CHD9: variants seen among roughly 807,000 people sequenced by gnomAD.
CHD9 encodes the protein chromodomain helicase DNA binding protein 9.
In CHD9, 77 loss-of-function variants were observed where a neutral mutation model predicts 316.1. The ratio of observed to expected loss-of-function variants is 0.24; its 90% CI spans 0.20 to 0.29. The LOEUF is 0.29. CHD9 is among the 10% of genes least tolerant of loss of function. The pLI, the probability that CHD9 is intolerant of heterozygous loss-of-function variation, is 1.00. For missense variants in CHD9, 2,763 were observed against 3,438.1 expected, an observed-to-expected ratio of 0.80 and a Z score of 4.91; for synonymous variants, 1,129 against 1,158.3, an observed-to-expected ratio of 0.97 and a Z score of 0.51.
At chr16:53,266,228 G>A (rs1037259103) in intron 20 of CHD9, among the ~76,000 whole-genome samples, 8 of 151,924 alleles carry the variant, frequency 5.3e-5, no homozygotes, top group African/African-American at 1.7e-4. Flanking sequence ...AATTCCAAAA[G>A]GAAAACTAGT....
At chr16:53,155,078 T>C (rs943831845) in intron 1 of CHD9, among the ~76,000 whole-genome samples, 1 of 152,174 alleles carries the variant, frequency 6.6e-6, no homozygotes, top group Non-Finnish European at 1.5e-5. Context: ...TTGTATTAGA[T>C]AAAATATTTT....
At chr16:53,209,354 T>G in intron 2 of CHD9, 128 bp from the exon 3 acceptor site, 1 of 651,410 alleles carries the variant, frequency 1.5e-6, no homozygotes, top group Non-Finnish European at 2.6e-6. Flanking sequence ...TAAATTTGTT[T>G]GTAGCACTCA....
intron 1 of CHD9, among the ~76,000 whole-genome samples, chr16:53,136,250 A>T: frequency 6.6e-6 from 1 of 152,162 alleles, no homozygotes; most frequent in East Asian, 1.9e-4. Flanking sequence ...AGTAATTTTA[A>T]ACATTGTTAT....
chr16:53,120,508 G>A (rs765381535), intron 1 of CHD9, among the ~76,000 whole-genome samples: 3 of 152,176 alleles, frequency 2.0e-5, no homozygotes, highest in Non-Finnish European at 4.4e-5. Context: ...AGCTACTAAG[G>A]AGGCTGAAGC....
intron 3 of CHD9, among the ~76,000 whole-genome samples, chr16:53,216,790 A>G (rs1555511790): frequency 1.3e-5 from 2 of 152,206 alleles, no homozygotes; most frequent in Non-Finnish European, 2.9e-5. Flanking sequence ...CTTAGGGAAT[A>G]TTTTAAAAGT....
intron 24 of CHD9, among the ~76,000 whole-genome samples, chr16:53,274,729 G>A (rs1427552804): frequency 6.6e-6 from 1 of 152,128 alleles, no homozygotes; most frequent in African/African-American, 2.4e-5. Context: ...ACAAAGTGCT[G>A]GGATTACAGG....
At chr16:53,231,388 A>G (rs1156888162) in intron 8 of CHD9, 31 bp from the exon 9 acceptor site, 32 of 1,239,516 alleles carry the variant, frequency 2.6e-5, no homozygotes, top group Non-Finnish European at 3.8e-5. Context: ...GTTCTTTGTC[A>G]GATGTCAATT....
At chr16:53,267,895 A>G in intron 21 of CHD9, 32 bp from the exon 22 acceptor site, 2 of 1,569,818 alleles carry the variant, frequency 1.3e-6, no homozygotes, top group Non-Finnish European at 1.7e-6. Context: ...AACTTGACTC[A>G]ATATCAATGT....
intron 22 of CHD9, among the ~76,000 whole-genome samples, chr16:53,273,045 C>T (rs1392307695): frequency 6.6e-6 from 1 of 151,760 alleles, no homozygotes; most frequent in African/African-American, 2.4e-5. Context: ...GCCGACATCA[C>T]GCCACTGCAC....
intron 2 of CHD9, among the ~76,000 whole-genome samples, chr16:53,161,084 C>CA (rs557104161): frequency 2.7e-5 from 4 of 150,806 alleles, no homozygotes; most frequent in South Asian, 2.1e-4. Context: ...GACCCTGTCT[C>CA]AAAAAAAGGA....
intron 27 of CHD9, among the ~76,000 whole-genome samples, chr16:53,290,072 A>G (rs1356533246): frequency 6.6e-6 from 1 of 152,150 alleles, no homozygotes; most frequent in Non-Finnish European, 1.5e-5. Context: ...TCAGGAGTTC[A>G]AGACCAGCCT....
intron 1 of CHD9, among the ~76,000 whole-genome samples, chr16:53,138,504 A>G (rs1180685408): frequency 6.6e-6 from 1 of 152,208 alleles, no homozygotes; most frequent in Non-Finnish European, 1.5e-5. Context: ...AATTCAAGGT[A>G]TGGTTTCATA....
intron 22 of CHD9, among the ~76,000 whole-genome samples, chr16:53,269,357 G>C (rs112424707): frequency 6.6e-6 from 1 of 152,160 alleles, no homozygotes; most frequent in Non-Finnish European, 1.5e-5. Context: ...GCTGGTGTGT[G>C]TCTTGTGCAA....
intron 24 of CHD9, among the ~76,000 whole-genome samples, chr16:53,282,016 C>A (rs1267639562): frequency 1.3e-5 from 2 of 152,128 alleles, no homozygotes; most frequent in Admixed American, 6.6e-5. Flanking sequence ...TCTGGGACAT[C>A]TTAAACACTC....
At chr16:53,197,208 A>G (rs909908465) in intron 2 of CHD9, among the ~76,000 whole-genome samples, 7 of 152,236 alleles carry the variant, frequency 4.6e-5, no homozygotes, top group African/African-American at 1.7e-4. Flanking sequence ...AAGTACCACT[A>G]CCACCACTAT....
rs746032556 is a variant in CHD9, at chr16:53,156,938, A to C, written c.849A>C (p.Pro283=). The C allele has an allele frequency of 1.2e-6, 2 of 1,613,640 alleles. No homozygotes were observed. The highest frequency in any genetic ancestry group is 2.2e-5 in the East Asian group (1 of 44,870). The change falls in exon 2 of 39, where the codon CCA becomes CCC. Residue 283 remains proline, a synonymous_variant. Transcript: ENST00000447540. ...HYSFSSNHIS[P]NSLLQSSAVL... is the part of the protein sequence containing the mutation. ...CCTTTTCCAGTAATCATATATCACC[A>C]AACAGTCTACTTCAGTCCTCTGCAG... is the stretch of plus-strand genomic sequence containing the variant.
intron 4 of CHD9, among the ~76,000 whole-genome samples, chr16:53,224,725 T>C (rs529981919): frequency 6.6e-6 from 1 of 152,310 alleles, no homozygotes; most frequent in South Asian, 2.1e-4. Context: ...TAATGAGACA[T>C]TGATAATATA....
intron 2 of CHD9, among the ~76,000 whole-genome samples, chr16:53,172,212 CCAGA>C (rs1280887648): frequency 1.3e-5 from 2 of 152,050 alleles, no homozygotes; most frequent in Non-Finnish European, 2.9e-5. Context: ...CTTCGCGCAC[CCAGA>C]CAACCACTGA....
intron 20 of CHD9, among the ~76,000 whole-genome samples, chr16:53,263,348 T>G (rs1378533655): frequency 4.6e-5 from 7 of 152,154 alleles, no homozygotes; most frequent in Non-Finnish European, 1.0e-4. Flanking sequence ...AATTATAATA[T>G]GTTTTTTAAA....
Sources: allele counts gnomAD v4.1 joint callset (sites outside exome capture counted in the v4.1 genomes callset), GRCh38; gene constraint gnomAD v4.1.1; transcripts MANE v1.5; gene names NCBI Gene and HGNC (gene_info 2026-07-23, HGNC 2026-07-21).